The following RUNX2 variants were observed in gnomAD, a reference collection of about 807,000 sequenced individuals.
The protein encoded by RUNX2 is RUNX family transcription factor 2.
RUNX2 carries 10 observed loss-of-function variants against 51.7 expected under a neutral mutation model. The observed-to-expected ratio is 0.19, with a 90% CI of 0.12 to 0.33. The LOEUF is 0.33. Ranked by LOEUF, RUNX2 falls within the 10% of genes least tolerant of loss-of-function variation. The probability of loss-of-function intolerance (pLI) is 1.00; values close to 1 mark genes in which losing one functional copy is unlikely to be tolerated. For missense variants in RUNX2, 562 were observed against 691.3 expected (o/e 0.81, Z 2.10); for synonymous variants, 276 against 273.6 (o/e 1.01, Z -0.09).
intron 2 of RUNX2, among the ~76,000 whole-genome samples, chr6:45,376,134 T>C (rs4714853): frequency 0.15 from 22,976 of 152,194 alleles, 1,970 homozygotes; most frequent in East Asian, 0.26. Flanking sequence ...CTGTCATAGC[T>C]CTCTGAATCT....
rs148559305 is a variant in RUNX2, at chr6:45,464,233, C to T, written c.685+26182C>T. On this transcript the variant is annotated intron_variant, in intron 5 of 8. Coordinates refer to ENST00000647337, the MANE Select transcript of RUNX2 (RefSeq NM_001024630.4). ...GTTTACAACATCAGAGACAGTTTGG[C>T]TCCTAAGTGATCATTTATTGGTTCT... Among the ~76,000 whole-genome samples, 1,374 of 151,948 alleles carry T rather than the reference C, an allele frequency of 9.0e-3. 12 individuals are homozygous for T. Among genetic ancestry groups the T allele is most frequent in the Non-Finnish European group, 0.013 (898 of 67,942 alleles).
At chr6:45,527,056 A>G (rs1179971575) in intron 7 of RUNX2, among the ~76,000 whole-genome samples, 1 of 152,224 alleles carries the variant, frequency 6.6e-6, no homozygotes, top group Non-Finnish European at 1.5e-5. Flanking sequence ...TGAGGAGTCA[A>G]TATTGAAGCT....
At chr6:45,449,855 TA>T (rs980101062) in intron 5 of RUNX2, among the ~76,000 whole-genome samples, 16 of 152,090 alleles carry the variant, frequency 1.1e-4, no homozygotes, top group Admixed American at 2.0e-4. Flanking sequence ...ATTTAGTACT[TA>T]AAAAAAATTA....
chr6:45,444,741 T>G (rs773000046), intron 5 of RUNX2, among the ~76,000 whole-genome samples: 3 of 152,222 alleles, frequency 2.0e-5, no homozygotes, highest in Non-Finnish European at 2.9e-5. Context: ...AGTTTTACCT[T>G]AACAAACTTG....
chr6:45,443,429 A>G (rs1282670651), intron 5 of RUNX2, among the ~76,000 whole-genome samples: 1 of 152,176 alleles, frequency 6.6e-6, no homozygotes, highest in Non-Finnish European at 1.5e-5. Flanking sequence ...GAAGCAAGAC[A>G]CAGGTGCAGC....
intron 5 of RUNX2, among the ~76,000 whole-genome samples, chr6:45,439,438 A>G (rs932342817): frequency 6.6e-6 from 1 of 152,174 alleles, no homozygotes; most frequent in African/African-American, 2.4e-5. Flanking sequence ...CCTTTTCTGG[A>G]TAGCCATAAG....
intron 2 of RUNX2, among the ~76,000 whole-genome samples, chr6:45,337,749 C>G (rs1022332645): frequency 6.6e-6 from 1 of 151,792 alleles, no homozygotes; most frequent in African/African-American, 2.4e-5. Flanking sequence ...AAATCTAAGA[C>G]GCCCCTCCAC....
chr6:45,448,840 A>G (rs1241380129), intron 5 of RUNX2, among the ~76,000 whole-genome samples: 1 of 152,162 alleles, frequency 6.6e-6, no homozygotes, highest in Admixed American at 6.5e-5. Context: ...AATTATTAGT[A>G]GGCAAAGATG....
At chr6:45,499,931 T>A (rs1435928865) in intron 6 of RUNX2, among the ~76,000 whole-genome samples, 2 of 152,252 alleles carry the variant, frequency 1.3e-5, no homozygotes, top group Non-Finnish European at 2.9e-5. Context: ...CATATGTATA[T>A]GTACGTATAT....
chr6:45,347,096 A>G (rs1791040021), intron 2 of RUNX2, among the ~76,000 whole-genome samples: 1 of 152,188 alleles, frequency 6.6e-6, no homozygotes, highest in African/African-American at 2.4e-5. Context: ...TACCCCACAA[A>G]TATGTGTGAG....
intron 7 of RUNX2, among the ~76,000 whole-genome samples, chr6:45,518,154 G>A (rs1801389897): frequency 6.6e-6 from 1 of 152,156 alleles, no homozygotes; most frequent in Admixed American, 6.5e-5. Flanking sequence ...CTGTTTGGTA[G>A]ACATACTCTG....
At chr6:45,366,998 T>C (rs914566050) in intron 2 of RUNX2, among the ~76,000 whole-genome samples, 1 of 152,164 alleles carries the variant, frequency 6.6e-6, no homozygotes, top group Non-Finnish European at 1.5e-5. Context: ...AAAGGGAATC[T>C]AAACCAGGGT....
In RUNX2 at chr6:45,547,295, G is replaced by T; in HGVS notation, c.1556G>T (p.Arg519Leu). Reference protein sequence around the residue: ...SSGRMDESVWRPY With the variant: ...SSGRMDESVWLPY ...GGCAGAATGGATGAATCTGTTTGGC[G>T]ACCATATTGAAATTCCTCAGCAGTG... The change falls in exon 9 of 9, where the codon CGA becomes CTA. Residue 519 changes from arginine (R) to leucine (L), a missense_variant. By Grantham distance (102) the Arg-to-Leu change is moderately radical (BLOSUM62 -2). Around this residue, in one of 5 missense-constraint regions of RUNX2, gnomAD observed 304 missense variants for 353.2 expected, o/e 0.86. Coordinates refer to ENST00000647337, the MANE Select transcript of RUNX2 (RefSeq NM_001024630.4). 1 of 1,613,850 alleles carries T rather than the reference G, an allele frequency of 6.2e-7. No homozygotes were observed. The highest frequency in any genetic ancestry group is 8.5e-7 in the Non-Finnish European group (1 of 1,179,880).
rs1563114651 is a variant in RUNX2, at chr6:45,503,816, T to G, written c.860-8430T>G. 3.9e-5 allele frequency among the ~76,000 whole-genome samples: 6 copies of G among 152,250 alleles called. 1 individual carries two copies. The highest frequency in any genetic ancestry group is 2.6e-4 in the Admixed American group (4 of 15,272). On this transcript the variant is annotated intron_variant, in intron 6 of 8. Transcript: ENST00000647337. ...TACATAAGAGTGCTTCTCATCACCT[T>G]GTCTTAACAATGCAACTTCCTTCTG...
chr6:45,545,376 T>C, intron 8 of RUNX2, 94 bp downstream of exon 8: 4 of 1,378,926 alleles, frequency 2.9e-6, no homozygotes, highest in Non-Finnish European at 3.9e-6. Flanking sequence ...GTTAACTATA[T>C]GTTGCTTTTA....
chr6:45,447,745 T>C (rs1452120987), intron 5 of RUNX2, among the ~76,000 whole-genome samples: 2 of 152,272 alleles, frequency 1.3e-5, no homozygotes, highest in African/African-American at 4.8e-5. Context: ...TATCATTCCT[T>C]CTTTCACCTT....
intron 7 of RUNX2, among the ~76,000 whole-genome samples, chr6:45,520,077 C>T (rs182978019): frequency 1.3e-5 from 2 of 152,178 alleles, no homozygotes; most frequent in Non-Finnish European, 2.9e-5. Context: ...GGTGATCCAC[C>T]TGCCTTGGCC....
chr6:45,505,033 C>G (rs140843536), intron 6 of RUNX2, among the ~76,000 whole-genome samples: 9 of 152,168 alleles, frequency 5.9e-5, no homozygotes, highest in Non-Finnish European at 8.8e-5. Context: ...GCCTGCTGGC[C>G]GCAGGAACAG....
At chr6:45,477,779 C>T (rs575592645) in intron 5 of RUNX2, among the ~76,000 whole-genome samples, 32 of 152,342 alleles carry the variant, frequency 2.1e-4, no homozygotes, top group Admixed American at 9.1e-4. Context: ...CTAAATCTAT[C>T]TTCCCCTGTA....
Sources: allele counts gnomAD v4.1 joint callset (sites outside exome capture counted in the v4.1 genomes callset), GRCh38; gene constraint gnomAD v4.1.1; regional missense constraint gnomAD v4.1.1; transcripts MANE v1.5; gene names NCBI Gene and HGNC (gene_info 2026-07-23, HGNC 2026-07-21).